Variants in PPP3CB observed in about 807,000 individuals in gnomAD.
PPP3CB encodes protein phosphatase 3 catalytic subunit beta, also known as serine/threonine-protein phosphatase 2B catalytic subunit beta isoform.
Under a neutral mutation model 66.4 loss-of-function variants are expected in PPP3CB, and 8 were observed. The ratio of observed to expected loss-of-function variants is 0.12; its 90% CI spans 0.07 to 0.22. The LOEUF (loss-of-function observed/expected upper bound fraction) is 0.22. Ranked by LOEUF, PPP3CB falls within the 10% of genes least tolerant of loss-of-function variation. The pLI is 1.00. For synonymous variants in PPP3CB, 208 were observed against 221.2 expected (o/e 0.94, Z 0.53); for missense variants, 319 against 642.5 (o/e 0.50, Z 5.44).
At chr10:73,490,641 C>T (rs1331967526) in intron 1 of PPP3CB, among the ~76,000 whole-genome samples, 1 of 152,152 alleles carries the variant, frequency 6.6e-6, no homozygotes, top group Non-Finnish European at 1.5e-5. Context: ...CATTCAATAG[C>T]TCTGGAACCT....
intron 10 of PPP3CB, among the ~76,000 whole-genome samples, chr10:73,451,831 C>T (rs1354484348): frequency 6.6e-6 from 1 of 151,232 alleles, no homozygotes; most frequent in African/African-American, 2.4e-5. Context: ...CTGTAACCTC[C>T]GCCTCCTGGG....
chr10:73,485,305 C>G (rs1269858305), intron 1 of PPP3CB, among the ~76,000 whole-genome samples: 2 of 151,966 alleles, frequency 1.3e-5, no homozygotes, highest in African/African-American at 4.8e-5. Flanking sequence ...AAAAAGAAAC[C>G]AAGAACACAG....
intron 10 of PPP3CB, among the ~76,000 whole-genome samples, chr10:73,450,239 A>G (rs549189053): frequency 6.6e-6 from 1 of 152,344 alleles, no homozygotes; most frequent in South Asian, 2.1e-4. Context: ...CTAAAGTCAG[A>G]TATCTCCCCA....
In PPP3CB at chr10:73,436,758, A is replaced by G. The variant is rs919229608; in HGVS notation, c.*1484T>C. 6.6e-6 allele frequency: 1 copy of G among 152,216 alleles called. No individual in the cohort carries two copies. The highest frequency in any genetic ancestry group is 2.4e-5 in the African/African-American group (1 of 41,460). 9.4% of individuals were successfully genotyped at this position (152,216 alleles called of 1,614,324 possible). On this transcript the variant is annotated 3_prime_UTR_variant, in exon 14 of 14. Transcript: ENST00000360663. Reference sequence around the variant, plus strand: ...TAACAGGATTTTCTGATTTGCATCAAAAGGACAAATCAGATTGCATCTTCC... The same window carrying G: ...TAACAGGATTTTCTGATTTGCATCAGAAGGACAAATCAGATTGCATCTTCC...
intron 4 of PPP3CB, among the ~76,000 whole-genome samples, chr10:73,472,840 CA>C: frequency 6.6e-6 from 1 of 152,140 alleles, no homozygotes; most frequent in Non-Finnish European, 1.5e-5. Context: ...TCTACCAAAT[CA>C]AACTATCATT....
intron 13 of PPP3CB, among the ~76,000 whole-genome samples, chr10:73,439,342 T>C (rs1003462239): frequency 1.3e-5 from 2 of 152,154 alleles, no homozygotes; most frequent in Non-Finnish European, 2.9e-5. Context: ...AACATAATCT[T>C]ATCCATAAAC....
chr10:73,466,668 A>G (rs986649220), intron 9 of PPP3CB, among the ~76,000 whole-genome samples: 2 of 152,226 alleles, frequency 1.3e-5, no homozygotes, highest in African/African-American at 4.8e-5. Flanking sequence ...CCTGTTTAAC[A>G]TACACAGTTT....
intron 11 of PPP3CB, among the ~76,000 whole-genome samples, chr10:73,445,707 A>G (rs1280492571): frequency 6.7e-6 from 1 of 149,664 alleles, no homozygotes; most frequent in African/African-American, 2.5e-5. Flanking sequence ...TGTTGGGATT[A>G]CAGGCGTGAG....
chr10:73,461,360 TC>T (rs1344097724), intron 9 of PPP3CB, among the ~76,000 whole-genome samples: 1 of 151,890 alleles, frequency 6.6e-6, no homozygotes, highest in African/African-American at 2.4e-5. Context: ...GGCAGGGTAA[TC>T]ACTTTAACCC....
chr10:73,446,418 C>T (rs1035930580), intron 11 of PPP3CB, 74 bp downstream of exon 11: 295 of 1,455,052 alleles, frequency 2.0e-4, no homozygotes, highest in Non-Finnish European at 2.7e-4. Flanking sequence ...CTTTTAGATG[C>T]GGGACAATGC....
chr10:73,442,743 A>G (rs2132760203), intron 12 of PPP3CB, among the ~76,000 whole-genome samples: 1 of 152,084 alleles, frequency 6.6e-6, no homozygotes, highest in South Asian at 2.1e-4. Context: ...AATCAAAAAA[A>G]GAAACCTCAT....
intron 1 of PPP3CB, among the ~76,000 whole-genome samples, chr10:73,489,932 G>A (rs528891556): frequency 5.9e-5 from 9 of 152,160 alleles, no homozygotes; most frequent in East Asian, 3.9e-4. Context: ...TCTCAGTGAC[G>A]CTTTCCCTCA....
At position 73,471,485 on chromosome 10, in the gene PPP3CB, G is replaced by T. The variant is rs2056701026; in HGVS notation, c.652C>A (p.Leu218Met). The stretch of plus-strand genomic sequence containing the variant: ...ATACTTACTCTCCTAATATCATCCA[G>T]TGTGTGTATTTCTGGTGAAAGTCCA... ...HGGLSPEIHT[L>M]DDIRRLDRFK... The change falls in exon 5 of 14, where the codon CTG becomes ATG. Residue 218 changes from leucine to methionine, a missense_variant. Physicochemically the swap from Leu to Met is conservative, Grantham distance 15 (BLOSUM62 2). This residue lies in a region of PPP3CB where 19 missense variants were observed against 17.0 expected (regional missense o/e 1.12). Coordinates refer to ENST00000360663, the MANE Select transcript of PPP3CB (RefSeq NM_021132.4). 1.2e-6 allele frequency: 2 copies of T among 1,609,428 alleles called. No homozygotes were observed.
At chr10:73,477,312 T>C (rs1226438972) in intron 3 of PPP3CB, 2 of 492,146 alleles carry the variant, frequency 4.1e-6, no homozygotes, top group Non-Finnish European at 7.9e-6. Context: ...ATCAGGCAAG[T>C]ATGTAAAGAT....
At chr10:73,459,303 C>G (rs927468940) in intron 9 of PPP3CB, among the ~76,000 whole-genome samples, 1 of 152,032 alleles carries the variant, frequency 6.6e-6, no homozygotes, top group African/African-American at 2.4e-5. Context: ...CCTGGCTACA[C>G]AGTGAAACCC....
At chr10:73,489,237 G>A (rs1294296547) in intron 1 of PPP3CB, among the ~76,000 whole-genome samples, 1 of 151,850 alleles carries the variant, frequency 6.6e-6, no homozygotes. Context: ...AATTTGTGTC[G>A]TATCTAGTTT....
intron 12 of PPP3CB, among the ~76,000 whole-genome samples, chr10:73,440,506 A>G (rs989529959): frequency 2.6e-5 from 4 of 152,226 alleles, no homozygotes; most frequent in Non-Finnish European, 5.9e-5. Flanking sequence ...ATGAATTACT[A>G]TAAGTAGAAC....
intron 1 of PPP3CB, among the ~76,000 whole-genome samples, chr10:73,494,361 C>G (rs931680157): frequency 3.3e-5 from 5 of 152,152 alleles, no homozygotes; most frequent in Admixed American, 2.0e-4. Flanking sequence ...AATCTCGGCT[C>G]ACTGCAACTT....
At chr10:73,479,184 T>A (rs556886735) in intron 2 of PPP3CB, 133 bp downstream of exon 2, 1 of 853,378 alleles carries the variant, frequency 1.2e-6, no homozygotes, top group African/African-American at 1.7e-5. Flanking sequence ...GTATGGAAAA[T>A]AATTTGAAAT....
Sources: gnomAD v4.1 joint callset for allele counts (sites outside exome capture counted in the v4.1 genomes callset) on GRCh38, gnomAD v4.1.1 for gene constraint, gnomAD v4.1.1 regional missense constraint, MANE v1.5 for transcripts, NCBI Gene and HGNC (gene_info 2026-07-23, HGNC 2026-07-21) for gene names.